OLFM3: variants seen among roughly 807,000 people sequenced by gnomAD.
OLFM3 encodes noelin-3.
A neutral mutation model predicts 48.6 loss-of-function variants in OLFM3; 20 were observed. The observed-to-expected ratio is 0.41, with a 90% CI of 0.29 to 0.60. The LOEUF is 0.60. Ranked by LOEUF, OLFM3 falls within the 20% of genes least tolerant of loss-of-function variation. OLFM3 has a pLI of 0.28. For synonymous variants in OLFM3, 222 were observed against 198.1 expected (o/e 1.12, Z -1.01); for missense variants, 437 against 544.3 (o/e 0.80, Z 1.96).
intron 1 of OLFM3, among the ~76,000 whole-genome samples, chr1:101,877,105 A>T (rs1557712508): frequency 6.6e-6 from 1 of 151,860 alleles, no homozygotes; most frequent in Non-Finnish European, 1.5e-5. Flanking sequence ...ATAAAGTGGT[A>T]TGTAAATATG....
In OLFM3 at chr1:101,872,908, AG is replaced by A. The variant is rs1185191048; in HGVS notation, c.70-35884del. On this transcript the variant is annotated intron_variant, in intron 1 of 5. Transcript: ENST00000370103. ...AAAATAAGTTAGTTTTAGGAAAAAA[AG>A]GTATTAAATTTTAAAATCTTTAAAA... Among the ~76,000 whole-genome samples, 13 of 149,880 alleles carry A rather than the reference AG, an allele frequency of 8.7e-5. No homozygotes were observed. In the South Asian group the frequency reaches 2.8e-3, roughly 32 times the overall value.
intron 1 of OLFM3, among the ~76,000 whole-genome samples, chr1:101,927,639 C>T (rs1659312640): frequency 6.6e-6 from 1 of 151,434 alleles, no homozygotes; most frequent in Non-Finnish European, 1.5e-5. Context: ...ATCACTTAGT[C>T]ATTATGCTAA....
chr1:101,912,686 T>C (rs1165991905), intron 1 of OLFM3, among the ~76,000 whole-genome samples: 2 of 152,194 alleles, frequency 1.3e-5, no homozygotes, highest in Non-Finnish European at 2.9e-5. Flanking sequence ...TCTTCCAATT[T>C]GGAATGATTT....
At chr1:101,955,419 C>CT (rs1660259046) in intron 1 of OLFM3, among the ~76,000 whole-genome samples, 2 of 151,980 alleles carry the variant, frequency 1.3e-5, no homozygotes, top group Admixed American at 6.6e-5. Context: ...ACCTTTCTTG[C>CT]TTTTTTGTGG....
chr1:101,950,507 C>T (rs1314315765), intron 1 of OLFM3, among the ~76,000 whole-genome samples: 1 of 150,566 alleles, frequency 6.6e-6, no homozygotes, highest in Admixed American at 6.6e-5. Flanking sequence ...GGCGCCATCT[C>T]GGCTCACTGC....
chr1:101,899,668 A>G (rs1221933388), intron 1 of OLFM3, among the ~76,000 whole-genome samples: 1 of 152,328 alleles, frequency 6.6e-6, no homozygotes, highest in East Asian at 1.9e-4. Context: ...TTTCCTCGCA[A>G]AAATAACTAG....
At chr1:101,974,278 C>T (rs147760785) in intron 1 of OLFM3, among the ~76,000 whole-genome samples, 40 of 152,184 alleles carry the variant, frequency 2.6e-4, no homozygotes, top group African/African-American at 9.1e-4. Context: ...AAGAAATTAG[C>T]GCATGAGAGG....
At chr1:101,935,164 C>G (rs1659571210) in intron 1 of OLFM3, among the ~76,000 whole-genome samples, 1 of 150,840 alleles carries the variant, frequency 6.6e-6, no homozygotes. Context: ...AAAAAAAATA[C>G]AAGACATCAA....
chr1:101,973,478 T>C (rs1410614523), intron 1 of OLFM3, among the ~76,000 whole-genome samples: 2 of 152,204 alleles, frequency 1.3e-5, no homozygotes, highest in South Asian at 2.1e-4. Flanking sequence ...ATTAAACTTT[T>C]CTGGAAAAAT....
chr1:101,918,330 T>C (rs1280996662), intron 1 of OLFM3, among the ~76,000 whole-genome samples: 2 of 152,188 alleles, frequency 1.3e-5, no homozygotes, highest in African/African-American at 4.8e-5. Flanking sequence ...AATTAATATC[T>C]TAAGTTGTTT....
At chr1:101,917,537 C>G (rs1658966975) in intron 1 of OLFM3, among the ~76,000 whole-genome samples, 1 of 152,072 alleles carries the variant, frequency 6.6e-6, no homozygotes, top group African/African-American at 2.4e-5. Flanking sequence ...CTCCCTCAGC[C>G]TCCTGAGTAG....
At chr1:101,924,026 T>A (rs939270481) in intron 1 of OLFM3, among the ~76,000 whole-genome samples, 2 of 152,176 alleles carry the variant, frequency 1.3e-5, no homozygotes, top group Non-Finnish European at 2.9e-5. Context: ...TAAACCATTG[T>A]TGAGAACTGA....
At chr1:101,982,512 C>T (rs992589473) in intron 1 of OLFM3, among the ~76,000 whole-genome samples, 1 of 151,980 alleles carries the variant, frequency 6.6e-6, no homozygotes, top group South Asian at 2.1e-4. Flanking sequence ...CTATGGAGTT[C>T]CCAGATATTT....
intron 1 of OLFM3, among the ~76,000 whole-genome samples, chr1:101,862,026 C>G (rs757790148): frequency 4.6e-5 from 7 of 152,106 alleles, no homozygotes; most frequent in Non-Finnish European, 7.4e-5. Flanking sequence ...AAAGAAGAAT[C>G]GTGATAGTGC....
chr1:101,990,846 T>C (rs1661378347), intron 1 of OLFM3, among the ~76,000 whole-genome samples: 2 of 150,700 alleles, frequency 1.3e-5, no homozygotes, highest in African/African-American at 4.9e-5. Context: ...TAGCCAGGCA[T>C]GGTAGCAGGC....
intron 1 of OLFM3, among the ~76,000 whole-genome samples, chr1:101,845,397 A>T (rs1485134849): frequency 6.6e-6 from 1 of 152,148 alleles, no homozygotes; most frequent in African/African-American, 2.4e-5. Flanking sequence ...ATAAAAAAAA[A>T]CCAAGCCAAT....
intron 1 of OLFM3, among the ~76,000 whole-genome samples, chr1:101,931,782 T>C (rs532877603): frequency 1.3e-5 from 2 of 152,290 alleles, no homozygotes; most frequent in South Asian, 2.1e-4. Context: ...GGCAATCCAC[T>C]GGGGTAACCT....
At chr1:101,889,003 C>T (rs1657884078) in intron 1 of OLFM3, among the ~76,000 whole-genome samples, 2 of 152,148 alleles carry the variant, frequency 1.3e-5, no homozygotes, top group Admixed American at 1.3e-4. Context: ...CAGGAAACAA[C>T]AAGTGCTGGA....
At chr1:101,812,718 CTT>C in intron 4 of OLFM3, 1 of 986,888 alleles carries the variant, frequency 1.0e-6, no homozygotes, top group Non-Finnish European at 1.2e-6. Context: ...TCGGCCAAAA[CTT>C]AGGACAGAAT....
Sources: allele counts gnomAD v4.1 joint callset (sites outside exome capture counted in the v4.1 genomes callset), GRCh38; gene constraint gnomAD v4.1.1; transcripts MANE v1.5; gene names NCBI Gene and HGNC (gene_info 2026-07-23, HGNC 2026-07-21).